Variants in TAF4B observed in about 807,000 individuals in gnomAD.
The protein encoded by TAF4B is TATA-box binding protein associated factor 4b, also known as transcription initiation factor TFIID subunit 4B.
TAF4B carries 38 observed loss-of-function variants against 86.4 expected under a neutral mutation model. The ratio of observed to expected loss-of-function variants is 0.44; its 90% CI spans 0.34 to 0.58. The LOEUF (loss-of-function observed/expected upper bound fraction) is 0.58. Among genes scored for constraint, TAF4B ranks in the 20% least tolerant of loss-of-function variants. The probability of loss-of-function intolerance (pLI) is 0.02; values close to 1 mark genes in which losing one functional copy is unlikely to be tolerated. For synonymous variants in TAF4B, 388 were observed against 391.2 expected (o/e 0.99, Z 0.10); for missense variants, 988 against 1,027.6 (o/e 0.96, Z 0.53).
intron 9 of TAF4B, among the ~76,000 whole-genome samples, chr18:26,300,290 G>A (rs1196246517): frequency 6.8e-6 from 1 of 146,238 alleles, no homozygotes; most frequent in Non-Finnish European, 1.5e-5. Flanking sequence ...TGCCTGGCTT[G>A]TTTTCTAATG....
At chr18:26,334,865 C>T (rs1002354799) in intron 12 of TAF4B, among the ~76,000 whole-genome samples, 1 of 152,100 alleles carries the variant, frequency 6.6e-6, no homozygotes, top group African/African-American at 2.4e-5. Context: ...TTTCCTTCAT[C>T]TGTACCACCA....
chr18:26,337,567 C>A lies in TAF4B; in HGVS notation c.2316+2336C>A, dbSNP rs143277387. On this transcript the variant is annotated intron_variant, in intron 13 of 14. Coordinates refer to ENST00000269142, the MANE Select transcript of TAF4B (RefSeq NM_005640.3). ...CCTCCCGAGTAGCTGGGATTACAGG[C>A]GCGTACCACCGCATCCAGCTAATTT... 7.5e-3 allele frequency among the ~76,000 whole-genome samples: 1,144 copies of A among 151,784 alleles called. 12 individuals carry two copies. Among genetic ancestry groups the A allele is most frequent in the African/African-American group, 0.026 (1,086 of 41,354 alleles).
At chr18:26,227,344 C>T (rs2055593974) in intron 1 of TAF4B, 68 bp downstream of exon 1, 3 of 1,415,214 alleles carry the variant, frequency 2.1e-6, no homozygotes, top group Non-Finnish European at 2.9e-6. Flanking sequence ...ATTCGCAGCT[C>T]CAGATTGCTC....
chr18:26,355,176 C>T (rs1040310637), intron 13 of TAF4B, among the ~76,000 whole-genome samples: 74 of 152,218 alleles, frequency 4.9e-4, no homozygotes, highest in African/African-American at 1.6e-3. Context: ...TTTTAAGTTT[C>T]CAATTGTACC....
chr18:26,371,999 T>A (rs2057409014), intron 14 of TAF4B, among the ~76,000 whole-genome samples: 1 of 152,182 alleles, frequency 6.6e-6, no homozygotes, highest in South Asian at 2.1e-4. Context: ...ATAGGAAATA[T>A]AGGAGACCCA....
chr18:26,340,448 G>T (rs1162500730), intron 13 of TAF4B, among the ~76,000 whole-genome samples: 1 of 152,152 alleles, frequency 6.6e-6, no homozygotes, highest in Non-Finnish European at 1.5e-5. Flanking sequence ...AATTAATATA[G>T]CAAGAGGAAG....
At chr18:26,373,553 A>G (rs941692623) in intron 14 of TAF4B, among the ~76,000 whole-genome samples, 13 of 152,334 alleles carry the variant, frequency 8.5e-5, no homozygotes, top group South Asian at 2.1e-4. Flanking sequence ...TGTTTTGCCA[A>G]TTGCTTTCCT....
chr18:26,275,190 C>T, intron 5 of TAF4B, 137 bp downstream of exon 5: 2 of 974,486 alleles, frequency 2.1e-6, no homozygotes, highest in Non-Finnish European at 2.7e-6. Flanking sequence ...GAGTCTCGCT[C>T]TGTTGCCCAA....
intron 14 of TAF4B, among the ~76,000 whole-genome samples, chr18:26,387,060 T>C (rs1978414768): frequency 6.6e-6 from 1 of 152,140 alleles, no homozygotes; most frequent in Admixed American, 6.5e-5. Context: ...TAGTTAAATG[T>C]ATTGTAGTTG....
At chr18:26,311,264 A>G (rs2056851341) in intron 9 of TAF4B, among the ~76,000 whole-genome samples, 2 of 152,336 alleles carry the variant, frequency 1.3e-5, no homozygotes, top group East Asian at 3.9e-4. Flanking sequence ...TTAAAAGTAT[A>G]AAACCAGCAT....
chr18:26,265,341 CT>C, intron 2 of TAF4B, 26 bp downstream of exon 2: 1 of 1,568,780 alleles, frequency 6.4e-7, no homozygotes, highest in Non-Finnish European at 8.6e-7. Flanking sequence ...TATTTTTCAT[CT>C]TTCTTTGTTT....
intron 1 of TAF4B, among the ~76,000 whole-genome samples, chr18:26,249,784 A>G (rs2144495017): frequency 6.6e-6 from 1 of 152,200 alleles, no homozygotes; most frequent in African/African-American, 2.4e-5. Context: ...GTGCAGTGGC[A>G]TGACCTCAGT....
At position 26,274,996 on chromosome 18, in the gene TAF4B, T is replaced by C. The variant is rs1402478615; in HGVS notation, c.825T>C (p.Ser275=). The C allele has an allele frequency of 6.2e-7, 1 of 1,612,502 alleles. No individual in the cohort carries two copies. Among genetic ancestry groups the C allele is most frequent in the East Asian group, 2.2e-5 (1 of 44,870 alleles). ...CAATGTTAATAAAACTAGCATGTAG[T>C]GGATCACAGTCCCCAGAAATGGGGC... The part of the protein sequence containing the change: ...FLAMLIKLAC[S]GSQSPEMGQN... The change falls in exon 5 of 15, where the codon AGT becomes AGC. Residue 275 remains serine (S), a synonymous_variant. Transcript: ENST00000269142.
chr18:26,242,216 T>G (rs1182386347), intron 1 of TAF4B, among the ~76,000 whole-genome samples: 5 of 151,860 alleles, frequency 3.3e-5, no homozygotes, highest in Non-Finnish European at 7.4e-5. Context: ...TTGTGTGGGA[T>G]TCTAAGTCTC....
chr18:26,340,278 G>A (rs1432967636), intron 13 of TAF4B, among the ~76,000 whole-genome samples: 1 of 152,098 alleles, frequency 6.6e-6, no homozygotes, highest in Non-Finnish European at 1.5e-5. Flanking sequence ...TTTTTAAAAT[G>A]AAATTTGAAA....
chr18:26,289,772 A>C (rs1358208978), intron 7 of TAF4B, among the ~76,000 whole-genome samples: 3 of 152,216 alleles, frequency 2.0e-5, no homozygotes. Context: ...CTTTGAAAGA[A>C]CATTAATGAA....
chr18:26,260,350 C>G (rs577997712), intron 1 of TAF4B, among the ~76,000 whole-genome samples: 1,573 of 152,244 alleles, frequency 0.01, 28 homozygotes, highest in African/African-American at 0.036. Flanking sequence ...ACATGAAGTC[C>G]TTGCCCATGC....
At chr18:26,290,493 A>G (rs1484243504) in intron 7 of TAF4B, among the ~76,000 whole-genome samples, 1 of 152,160 alleles carries the variant, frequency 6.6e-6, no homozygotes. Flanking sequence ...GGGCGACACC[A>G]GTCTGAGTTT....
intron 5 of TAF4B, among the ~76,000 whole-genome samples, chr18:26,278,328 A>G (rs898273298): frequency 1.3e-5 from 2 of 152,068 alleles, no homozygotes; most frequent in Non-Finnish European, 2.9e-5. Context: ...TTTTAGAGTA[A>G]GAGTCTTGCT....
Sources: allele counts gnomAD v4.1 joint callset (sites outside exome capture counted in the v4.1 genomes callset), GRCh38; gene constraint gnomAD v4.1.1; transcripts MANE v1.5; gene names NCBI Gene and HGNC (gene_info 2026-07-23, HGNC 2026-07-21).